SLC5A10: variants seen among roughly 807,000 people sequenced by gnomAD.
The protein encoded by SLC5A10 is sodium/mannose cotransporter SLC5A10.
SLC5A10 carries 55 observed loss-of-function variants against 68.9 expected under a neutral mutation model. The ratio of observed to expected loss-of-function variants is 0.80; its 90% CI spans 0.64 to 1.00. SLC5A10 has a LOEUF of 1.00. Among genes scored for constraint, SLC5A10 ranks in the 50% least tolerant of loss-of-function variants. SLC5A10 has a pLI of 0.00. For missense variants in SLC5A10, 732 were observed against 819.3 expected (o/e 0.89, Z 1.30); for synonymous variants, 344 against 344.8 (o/e 1.00, Z 0.02).
At chr17:18,993,586 C>T (rs2043486881) in intron 9 of SLC5A10, among the ~76,000 whole-genome samples, 1 of 152,210 alleles carries the variant, frequency 6.6e-6, no homozygotes, top group African/African-American at 2.4e-5. Context: ...GACAGATACC[C>T]TCAAGCCTGC....
Position 19,004,360 on chromosome 17 carries a change from G to A in SLC5A10, c.983-9050G>A, listed in dbSNP as rs885675. The A allele has an allele frequency of 1.1e-5, 3 of 267,768 alleles. No individual in the cohort carries two copies. The highest frequency in any genetic ancestry group is 2.1e-5 in the Non-Finnish European group (3 of 143,762). 16.6% of individuals were successfully genotyped at this position (267,768 alleles called of 1,614,324 possible). ...GGGATCGGAACAGCGGTGAGGGAGC[G>A]GTGGGCCACGTCCCAGGGCTCAGCG... On this transcript the variant is annotated intron_variant, in intron 9 of 14. Coordinates refer to ENST00000395645, the MANE Select transcript of SLC5A10 (RefSeq NM_001042450.4). This position sits in a 1 kb window ranked among gnomAD's most constrained non-coding sequence, Gnocchi z 5.4.
intron 9 of SLC5A10, among the ~76,000 whole-genome samples, chr17:18,989,952 C>A (rs1193491692): frequency 6.6e-6 from 1 of 152,196 alleles, no homozygotes; most frequent in Admixed American, 6.5e-5. Context: ...AGTGGTCCCC[C>A]CAGAGCGGAC....
Position 19,020,399 on chromosome 17 carries a change from G to A in SLC5A10, c.1759G>A (p.Val587Ile). Reference protein sequence around the residue: ...CGFNAILLMCVNIFFYAYFA With the variant: ...CGFNAILLMCINIFFYAYFA ...CTTCAATGCCATCCTCCTCATGTGT[G>A]TCAACATATTCTTTTATGCCTACTT... The change falls in exon 15 of 15, where the codon GTC (valine) becomes ATC (isoleucine). Residue 587 changes from valine to isoleucine, a missense_variant. Val to Ile is a conservative substitution (Grantham distance 29). Coordinates refer to ENST00000395645, the MANE Select transcript of SLC5A10 (RefSeq NM_001042450.4). 4 of 1,614,028 alleles carry A rather than the reference G, an allele frequency of 2.5e-6. No individual in the cohort carries two copies. Among genetic ancestry groups the A allele is most frequent in the Non-Finnish European group, 3.4e-6 (4 of 1,180,038 alleles).
rs2044196500 is a variant in SLC5A10, at chr17:19,018,918, C to T, written c.1242-505C>T. 1 of 153,198 alleles carries T rather than the reference C, an allele frequency of 6.5e-6. No homozygotes were observed. The highest frequency in any genetic ancestry group is 2.4e-5 in the African/African-American group (1 of 41,446). 9.5% of individuals were successfully genotyped at this position (153,198 alleles called of 1,614,324 possible). ...ATAACCACCAGGAAGTCAGTCTGGC[C>T]CAGATCGGGGGGCAGTGGTCATTCA... On this transcript the variant is annotated intron_variant, in intron 11 of 14. Transcript: ENST00000395645. This position sits in a 1 kb window ranked among gnomAD's most constrained non-coding sequence, Gnocchi z 4.2.
intron 5 of SLC5A10, among the ~76,000 whole-genome samples, chr17:18,964,586 C>T (rs1456941978): frequency 6.6e-6 from 1 of 152,164 alleles, no homozygotes; most frequent in Non-Finnish European, 1.5e-5. Context: ...GAAGCAAACA[C>T]GGTGAAGGGG....
intron 9 of SLC5A10, among the ~76,000 whole-genome samples, chr17:18,997,326 G>T (rs1477905387): frequency 1.3e-5 from 2 of 152,210 alleles, no homozygotes; most frequent in African/African-American, 4.8e-5. Context: ...TTGGGGAAAG[G>T]CCATGAGGTG....
intron 9 of SLC5A10, among the ~76,000 whole-genome samples, chr17:18,984,400 G>A (rs909096888): frequency 7.9e-5 from 12 of 151,500 alleles, no homozygotes; most frequent in Non-Finnish European, 1.5e-4. Flanking sequence ...CCCAGGCCCA[G>A]GTAGAGACAG....
At chr17:18,972,983 C>T (rs922615096) in intron 8 of SLC5A10, among the ~76,000 whole-genome samples, 1 of 152,228 alleles carries the variant, frequency 6.6e-6, no homozygotes. Flanking sequence ...CCTCATGCTC[C>T]GGCATGCTGT....
At chr17:18,989,089 G>A (rs1232598644) in intron 9 of SLC5A10, among the ~76,000 whole-genome samples, 1 of 152,212 alleles carries the variant, frequency 6.6e-6, no homozygotes, top group Non-Finnish European at 1.5e-5. Flanking sequence ...AGGGGAGGGA[G>A]TCAGGACAGG....
chr17:18,970,913 T>C (rs758937925), intron 7 of SLC5A10, 100 bp from the exon 8 acceptor site: 22 of 1,092,502 alleles, frequency 2.0e-5, no homozygotes, highest in Non-Finnish European at 3.0e-5. Flanking sequence ...TCAAGTTTGA[T>C]GCATCAGGAA....
intron 9 of SLC5A10, among the ~76,000 whole-genome samples, chr17:19,008,407 G>T (rs746720275): frequency 6.6e-6 from 1 of 151,752 alleles, no homozygotes; most frequent in African/African-American, 2.4e-5. Context: ...GTTAATTTTT[G>T]TATAAGGTGT....
At chr17:19,002,872 C>A (rs193069672) in intron 9 of SLC5A10, among the ~76,000 whole-genome samples, 181 of 152,264 alleles carry the variant, frequency 1.2e-3, no homozygotes, top group African/African-American at 4.3e-3. Flanking sequence ...TGGCAAAATT[C>A]AGGTGGACAA....
intron 9 of SLC5A10, among the ~76,000 whole-genome samples, chr17:18,986,632 G>C (rs2043276649): frequency 6.6e-6 from 1 of 152,236 alleles, no homozygotes; most frequent in South Asian, 2.1e-4. Flanking sequence ...GAGCAGCCAG[G>C]GCTTCTCTGC....
At chr17:18,960,447 C>G (rs563590657) in intron 4 of SLC5A10, 101 bp from the exon 5 acceptor site, 641 of 1,036,958 alleles carry the variant, frequency 6.2e-4, no homozygotes, top group Non-Finnish European at 8.8e-4. Context: ...CTCGCAGCTG[C>G]TTTGTGGCGG....
intron 9 of SLC5A10, chr17:18,988,128 T>A (rs904894479): frequency 6.9e-7 from 1 of 1,445,356 alleles, no homozygotes; most frequent in African/African-American, 1.4e-5. Context: ...CTAGGATTAC[T>A]GGACTCTGAG....
intron 1 of SLC5A10, among the ~76,000 whole-genome samples, chr17:18,956,316 AAAGTCAGG>A (rs1369467160): frequency 6.6e-6 from 1 of 151,980 alleles, no homozygotes; most frequent in Non-Finnish European, 1.5e-5. Flanking sequence ...CAGGGCAATT[AAAGTCAGG>A]AAGAAAGAGA....
chr17:19,001,934 A>G (rs2043739123), intron 9 of SLC5A10, among the ~76,000 whole-genome samples: 1 of 151,898 alleles, frequency 6.6e-6, no homozygotes, highest in Admixed American at 6.5e-5. Context: ...CAGTTTCCCT[A>G]TTTTCAAGAT....
At chr17:18,974,160 G>C (rs1659270164) in intron 8 of SLC5A10, among the ~76,000 whole-genome samples, 1 of 151,986 alleles carries the variant, frequency 6.6e-6, no homozygotes, top group African/African-American at 2.4e-5. Context: ...CAAAGTGCTG[G>C]GATTACAGGC....
At chr17:18,983,077 G>A (rs1171343218) in intron 9 of SLC5A10, among the ~76,000 whole-genome samples, 2 of 152,236 alleles carry the variant, frequency 1.3e-5, no homozygotes, top group Non-Finnish European at 2.9e-5. Flanking sequence ...AGGAGGGATG[G>A]ACTGCCCAGG....
Sources: gnomAD v4.1 joint callset for allele counts (sites outside exome capture counted in the v4.1 genomes callset) on GRCh38, gnomAD v4.1.1 for gene constraint, Gnocchi (gnomAD v3.1) non-coding constraint, MANE v1.5 for transcripts, NCBI Gene and HGNC (gene_info 2026-07-23, HGNC 2026-07-21) for gene names.